Variants in PCCB observed in about 807,000 individuals in gnomAD.
PCCB encodes the protein propionyl-CoA carboxylase subunit beta.
In PCCB, 43 loss-of-function variants were observed where a neutral mutation model predicts 60.7. The ratio of observed to expected loss-of-function variants is 0.71; its 90% CI spans 0.55 to 0.91. The LOEUF (loss-of-function observed/expected upper bound fraction) is 0.91, where lower values mean the gene tolerates loss of function less well. PCCB is among the 40% of genes least tolerant of loss of function. PCCB has a pLI of 0.00. For missense variants in PCCB, 766 were observed against 702.8 expected, an observed-to-expected ratio of 1.09 and a Z score of -1.02; for synonymous variants, 276 against 255.9, an observed-to-expected ratio of 1.08 and a Z score of -0.75.
intron 6 of PCCB, 151 bp downstream of exon 6, chr3:136,284,098 T>A: frequency 1.5e-6 from 1 of 681,948 alleles, no homozygotes; most frequent in South Asian, 1.6e-5. Flanking sequence ...GGAGAGAGGG[T>A]TTTGGCATGA....
intron 6 of PCCB, among the ~76,000 whole-genome samples, chr3:136,284,755 A>G (rs1319681955): frequency 6.6e-6 from 1 of 152,188 alleles, no homozygotes; most frequent in African/African-American, 2.4e-5. Flanking sequence ...TACCGAAAGT[A>G]GTGTAAGTGT....
chr3:136,255,922 A>C lies in PCCB; in HGVS notation c.250A>C (p.Met84Leu). 6.2e-7 allele frequency: 1 copy of C among 1,614,216 alleles called. No homozygotes were observed. Among genetic ancestry groups the C allele is most frequent in the Non-Finnish European group, 8.5e-7 (1 of 1,180,012 alleles). The change falls in exon 2 of 15, where the codon ATG becomes CTG. Residue 84 changes from methionine (M) to leucine (L), a missense_variant. Physicochemically the swap from Met to Leu is conservative, Grantham distance 15. Coordinates refer to ENST00000251654, the MANE Select transcript of PCCB (RefSeq NM_000532.5). ...LDPGSFVESD[M>L]FVEHRCADFG... ...CCCTGGCAGCTTTGTTGAGAGCGACATGTTTGTGGAACACAGATGTGCAGA... is the reference window on the plus strand; with the variant it reads ...CCCTGGCAGCTTTGTTGAGAGCGACCTGTTTGTGGAACACAGATGTGCAGA...
chr3:136,322,593 T>G (rs934472949), intron 10 of PCCB, among the ~76,000 whole-genome samples: 3 of 152,220 alleles, frequency 2.0e-5, no homozygotes, highest in Non-Finnish European at 2.9e-5. Context: ...TTTATTTGCT[T>G]TTTAAATTAT....
intron 12 of PCCB, among the ~76,000 whole-genome samples, 188 bp from the exon 13 acceptor site, chr3:136,327,446 A>G (rs906416533): frequency 6.6e-6 from 1 of 152,202 alleles, no homozygotes; most frequent in African/African-American, 2.4e-5. Context: ...AACTGAAGGC[A>G]GTAGTGGGAA....
intron 5 of PCCB, among the ~76,000 whole-genome samples, chr3:136,262,699 C>A (rs950777059): frequency 1.3e-5 from 2 of 152,280 alleles, no homozygotes; most frequent in African/African-American, 4.8e-5. Flanking sequence ...CAGAAACTGG[C>A]AACATTTCCA....
intron 5 of PCCB, among the ~76,000 whole-genome samples, chr3:136,283,421 A>G (rs2108181085): frequency 6.6e-6 from 1 of 152,208 alleles, no homozygotes; most frequent in South Asian, 2.1e-4. Flanking sequence ...GGGACTCAAA[A>G]TAGAGGTCAG....
chr3:136,258,433 G>C (rs959784741), intron 3 of PCCB, among the ~76,000 whole-genome samples: 1 of 152,204 alleles, frequency 6.6e-6, no homozygotes, highest in Admixed American at 6.5e-5. Flanking sequence ...AAAGCTTTAG[G>C]AACAATGGGG....
chr3:136,294,056 T>C (rs1429324473), intron 7 of PCCB, among the ~76,000 whole-genome samples, 192 bp downstream of exon 7: 2 of 152,230 alleles, frequency 1.3e-5, no homozygotes, highest in African/African-American at 4.8e-5. Context: ...ATTTAGTATA[T>C]AAAATTTATT....
At chr3:136,269,912 A>G (rs1405908231) in intron 5 of PCCB, among the ~76,000 whole-genome samples, 1 of 148,208 alleles carries the variant, frequency 6.7e-6, no homozygotes, top group African/African-American at 2.5e-5. Context: ...AAAAAATAAG[A>G]GTGGACATCC....
intron 8 of PCCB, 37 bp from the exon 9 acceptor site, chr3:136,300,992 TC>T: frequency 6.6e-7 from 1 of 1,510,232 alleles, no homozygotes; most frequent in South Asian, 1.1e-5. Flanking sequence ...AACTGGCTCT[TC>T]CTATGTTGAC....
At chr3:136,311,512 T>A (rs1934665515) in intron 9 of PCCB, among the ~76,000 whole-genome samples, 1 of 148,996 alleles carries the variant, frequency 6.7e-6, no homozygotes, top group Non-Finnish European at 1.5e-5. Context: ...GATTTAATAT[T>A]TTTTTTTTTG....
intron 5 of PCCB, 87 bp downstream of exon 5, chr3:136,262,152 C>G (rs963459219): frequency 4.8e-6 from 4 of 832,522 alleles, no homozygotes; most frequent in Non-Finnish European, 8.1e-6. Flanking sequence ...CAACTCTCCT[C>G]ATTGTTCTCT....
chr3:136,299,062 A>C (rs886921745), intron 8 of PCCB, among the ~76,000 whole-genome samples: 1 of 152,098 alleles, frequency 6.6e-6, no homozygotes, highest in African/African-American at 2.4e-5. Context: ...CTTTCTGAGT[A>C]TACAGTTTGG....
intron 5 of PCCB, among the ~76,000 whole-genome samples, chr3:136,281,096 C>T (rs1942463367): frequency 6.6e-6 from 1 of 152,022 alleles, no homozygotes; most frequent in African/African-American, 2.4e-5. Flanking sequence ...TATAATATGT[C>T]TCCGTGTAGA....
chr3:136,286,531 G>A (rs1234615673), intron 6 of PCCB, among the ~76,000 whole-genome samples: 2 of 152,284 alleles, frequency 1.3e-5, no homozygotes, highest in Admixed American at 6.5e-5. Context: ...CAGTGGCTCA[G>A]GTAAAAGCTT....
At chr3:136,254,476 T>G (rs538348437) in intron 1 of PCCB, among the ~76,000 whole-genome samples, 74 of 134,456 alleles carry the variant, frequency 5.5e-4, no homozygotes, top group African/African-American at 1.9e-3. Context: ...TGCCTTGGCC[T>G]CCCAAAGTGC....
At chr3:136,302,650 G>C (rs1467436849) in intron 9 of PCCB, among the ~76,000 whole-genome samples, 1 of 117,774 alleles carries the variant, frequency 8.5e-6, no homozygotes, top group Non-Finnish European at 1.9e-5. Context: ...TGCCATGCTG[G>C]TGTGCTGCAC....
Position 136,327,140 on chromosome 3 carries a change from C to G in PCCB, c.1199-15C>G. The G allele has an allele frequency of 6.2e-7, 1 of 1,611,510 alleles. No homozygotes were observed. On this transcript the variant is annotated splice_polypyrimidine_tract_variant and intron_variant, in intron 11 of 14. Transcript: ENST00000251654. The stretch of plus-strand genomic sequence containing the variant: ...GAGGACTTGTGGGTATCTAGTAACT[C>G]TTCCTCATGTCTAGGCACAGCACAG...
At chr3:136,285,251 A>G (rs1235432266) in intron 6 of PCCB, among the ~76,000 whole-genome samples, 1 of 152,062 alleles carries the variant, frequency 6.6e-6, no homozygotes, top group Non-Finnish European at 1.5e-5. Context: ...TGTGGGATCA[A>G]TTCCTCTGGC....
Sources: gnomAD v4.1 joint callset for allele counts (sites outside exome capture counted in the v4.1 genomes callset) on GRCh38, gnomAD v4.1.1 for gene constraint, MANE v1.5 for transcripts, NCBI Gene and HGNC (gene_info 2026-07-23, HGNC 2026-07-21) for gene names.